STOX1: variants seen among roughly 807,000 people sequenced by gnomAD.
STOX1 encodes storkhead-box protein 1.
STOX1 carries 57 observed loss-of-function variants against 74.8 expected under a neutral mutation model. The observed-to-expected ratio is 0.76, with a 90% CI of 0.62 to 0.95. STOX1 has a LOEUF of 0.95. STOX1 is among the 40% of genes least tolerant of loss of function. The pLI is 0.00. For missense variants in STOX1, 1,010 were observed against 1,117.0 expected (o/e 0.90, Z 1.37); for synonymous variants, 375 against 401.3 (o/e 0.93, Z 0.78).
At chr10:68,891,803 A>T (rs1296402435) in intron 3 of STOX1, among the ~76,000 whole-genome samples, 1 of 145,998 alleles carries the variant, frequency 6.8e-6, no homozygotes, top group Non-Finnish European at 1.5e-5. Flanking sequence ...CTCTGTTTCA[A>T]AAAAAAAAAA....
intron 1 of STOX1, among the ~76,000 whole-genome samples, chr10:68,838,633 G>A (rs890205604): frequency 1.3e-5 from 2 of 152,250 alleles, no homozygotes; most frequent in Admixed American, 6.5e-5. Context: ...GGCAAGAGCC[G>A]GGCGCGGTGG....
chr10:68,879,846 A>G lies in STOX1; in HGVS notation c.311-2112A>G, dbSNP rs182664358. Among the ~76,000 whole-genome samples the G allele has an allele frequency of 2.7e-3, 412 of 152,186 alleles. 7 individuals carry two copies. Among genetic ancestry groups the G allele is most frequent in the African/African-American group, 9.3e-3 (386 of 41,524 alleles). On this transcript the variant is annotated intron_variant, in intron 1 of 3. Transcript: ENST00000298596. ...AGGCCATAATGCTATTAAATATCCT[A>G]CAATGCACAGGGCAGCCTCCCACCG...
In STOX1 at chr10:68,884,500, C is replaced by G; in HGVS notation, c.704C>G (p.Ala235Gly). 6.2e-7 allele frequency: 1 copy of G among 1,613,844 alleles called. No individual in the cohort carries two copies. The highest frequency in any genetic ancestry group is 8.5e-7 in the Non-Finnish European group (1 of 1,180,020). The change falls in exon 3 of 4, where the codon GCT (alanine) becomes GGT (glycine). Residue 235 changes from alanine (A) to glycine (G), a missense_variant. Physicochemically the swap from Ala to Gly is moderately conservative, Grantham distance 60. Coordinates refer to ENST00000298596, the MANE Select transcript of STOX1 (RefSeq NM_152709.5). ...ESCAESAQEN[A>G]APISHCQSCQ... is the part of the protein sequence containing the mutation. Reference sequence around the variant, plus strand: ...TGTGCAGAGTCAGCCCAAGAGAATGCTGCCCCCATATCCCACTGTCAGTCT... The same window carrying G: ...TGTGCAGAGTCAGCCCAAGAGAATGGTGCCCCCATATCCCACTGTCAGTCT...
Position 68,854,296 on chromosome 10 carries a change from G to A in STOX1, c.310+26363G>A, listed in dbSNP as rs183602529. On this transcript the variant is annotated intron_variant, in intron 1 of 3. Coordinates refer to ENST00000298596, the MANE Select transcript of STOX1 (RefSeq NM_152709.5). ...AGGTGTGAGCCACTGTGCCCAGCCCGTTTTTTGTCTTTTGAGACAAGGTCT... is the reference window on the plus strand; with the variant it reads ...AGGTGTGAGCCACTGTGCCCAGCCCATTTTTTGTCTTTTGAGACAAGGTCT... 4.7e-5 allele frequency among the ~76,000 whole-genome samples: 7 copies of A among 150,462 alleles called. No individual in the cohort carries two copies. The East Asian group carries it at 1.2e-3, about 26-fold the overall frequency.
At chr10:68,863,553 T>C (rs1435575800) in intron 1 of STOX1, among the ~76,000 whole-genome samples, 1 of 152,128 alleles carries the variant, frequency 6.6e-6, no homozygotes, top group African/African-American at 2.4e-5. Flanking sequence ...ATGGGTTAAA[T>C]TGTGAAAGTG....
intron 1 of STOX1, among the ~76,000 whole-genome samples, chr10:68,879,229 A>G (rs1463538748): frequency 1.3e-5 from 2 of 152,208 alleles, no homozygotes; most frequent in South Asian, 4.2e-4. Flanking sequence ...TTTATTTCCT[A>G]GTACTTTGAG....
intron 1 of STOX1, among the ~76,000 whole-genome samples, chr10:68,844,647 A>G (rs900028333): frequency 1.3e-5 from 2 of 152,124 alleles, no homozygotes; most frequent in Non-Finnish European, 2.9e-5. Context: ...CCATGAAAAA[A>G]GTTTTTTTCC....
In STOX1 at chr10:68,884,442, G is replaced by C. The variant is rs1840886558; in HGVS notation, c.646G>C (p.Ala216Pro). 1 of 1,613,932 alleles carries C rather than the reference G, an allele frequency of 6.2e-7. No homozygotes were observed. Among genetic ancestry groups the C allele is most frequent in the African/African-American group, 1.3e-5 (1 of 75,030 alleles). ...ATCAGATGAAAGTCGCCTGATGCCA[G>C]CTTCCATGACATATCTGGTGAGCAT... ...LPSDESRLMP[A>P]SMTYLVSMES... Residue 216 changes from alanine (A) to proline (P), a missense_variant, in exon 3 of 4, where the codon GCT becomes CCT. By Grantham distance (27) the Ala-to-Pro change is conservative. Transcript: ENST00000298596.
intron 1 of STOX1, among the ~76,000 whole-genome samples, chr10:68,847,675 G>GC: frequency 6.6e-6 from 1 of 151,704 alleles, no homozygotes; most frequent in East Asian, 1.9e-4. Flanking sequence ...TTCCCAAAGT[G>GC]CTGGGATTAC....
chr10:68,876,351 T>G (rs1840678023), intron 1 of STOX1, among the ~76,000 whole-genome samples: 1 of 151,816 alleles, frequency 6.6e-6, no homozygotes, highest in African/African-American at 2.4e-5. Flanking sequence ...AGACGGGGTT[T>G]CTCCACGTTG....
intron 1 of STOX1, among the ~76,000 whole-genome samples, chr10:68,848,552 A>G (rs73266441): frequency 0.012 from 1,753 of 152,352 alleles, 38 homozygotes; most frequent in African/African-American, 0.039. Context: ...GAAACAGATG[A>G]TAATACTACC....
chr10:68,869,424 G>A (rs568667173), intron 1 of STOX1, among the ~76,000 whole-genome samples: 1 of 152,326 alleles, frequency 6.6e-6, no homozygotes, highest in Non-Finnish European at 1.5e-5. Flanking sequence ...TTATTAAATA[G>A]TACATATGAA....
At position 68,885,715 on chromosome 10, in the gene STOX1, G is replaced by C. The variant is rs758650904; in HGVS notation, c.1919G>C (p.Ser640Thr). The change falls in exon 3 of 4, where the codon AGT becomes ACT. Residue 640 changes from serine to threonine, a missense_variant. By Grantham distance (58) the Ser-to-Thr change is moderately conservative (BLOSUM62 1). Coordinates refer to ENST00000298596, the MANE Select transcript of STOX1 (RefSeq NM_152709.5). ...KLGETKQTPH[S>T]LPSRGASFSD... Reference sequence around the variant, plus strand: ...GGGGAGACCAAACAGACTCCGCATAGTCTGCCATCACGAGGTGCCTCCTTT... The same window carrying C: ...GGGGAGACCAAACAGACTCCGCATACTCTGCCATCACGAGGTGCCTCCTTT... 3.1e-6 allele frequency: 5 copies of C among 1,614,116 alleles called. No individual in the cohort carries two copies. The highest frequency in any genetic ancestry group is 4.2e-6 in the Non-Finnish European group (5 of 1,180,006).
chr10:68,884,726 G>A lies in STOX1; in HGVS notation c.930G>A (p.Lys310=), dbSNP rs764645466. 5.0e-6 allele frequency: 8 copies of A among 1,614,160 alleles called. No individual in the cohort carries two copies. Among genetic ancestry groups the A allele is most frequent in the South Asian group, 4.4e-5 (4 of 91,082 alleles). The change falls in exon 3 of 4, where the codon AAG becomes AAA. Residue 310 remains lysine, a synonymous_variant. Coordinates refer to ENST00000298596, the MANE Select transcript of STOX1 (RefSeq NM_152709.5). ...PYTRDKEKGK[K]FGFSLLWRSL... The stretch of plus-strand genomic sequence containing the variant: ...CAAGAGATAAAGAAAAAGGCAAGAA[G>A]TTTGGTTTTAGTCTCTTATGGCGCA...
intron 1 of STOX1, among the ~76,000 whole-genome samples, chr10:68,832,562 A>C (rs960190406): frequency 2.0e-5 from 3 of 151,926 alleles, no homozygotes; most frequent in Admixed American, 6.6e-5. Flanking sequence ...AATCCCAGCT[A>C]CTTGGGAGGC....
chr10:68,865,099 G>A (rs1283356275), intron 1 of STOX1, among the ~76,000 whole-genome samples: 1 of 146,896 alleles, frequency 6.8e-6, no homozygotes, highest in Admixed American at 6.7e-5. Context: ...CCGAGTGGGG[G>A]CAGCACAAAG....
chr10:68,830,139 GAAATAT>G (rs1164763547), intron 1 of STOX1, among the ~76,000 whole-genome samples: 4 of 152,210 alleles, frequency 2.6e-5, no homozygotes, highest in African/African-American at 9.6e-5. Flanking sequence ...GCTGCCATCT[GAAATAT>G]GTATCACACG....
chr10:68,828,442 G>T (rs2133475880), intron 1 of STOX1, among the ~76,000 whole-genome samples: 1 of 152,250 alleles, frequency 6.6e-6, no homozygotes, highest in South Asian at 2.1e-4. Context: ...CCCCGGAGAC[G>T]TTCCCTCCCG....
chr10:68,893,862 G>A (rs1398830841), downstream of STOX1, among the ~76,000 whole-genome samples: 2 of 152,248 alleles, frequency 1.3e-5, no homozygotes, highest in South Asian at 2.1e-4. Context: ...AAGGAGTCTG[G>A]TAGACATTTA....
Sources: gnomAD v4.1 joint callset for allele counts (sites outside exome capture counted in the v4.1 genomes callset) on GRCh38, gnomAD v4.1.1 for gene constraint, MANE v1.5 for transcripts, NCBI Gene and HGNC (gene_info 2026-07-23, HGNC 2026-07-21) for gene names.